Variants in GSE1 observed in about 807,000 individuals in gnomAD.
GSE1 encodes Gse1 coiled-coil protein.
GSE1 carries 32 observed loss-of-function variants against 112.6 expected under a neutral mutation model. That is an observed-to-expected ratio of 0.28 (90% confidence interval 0.21 to 0.38). The LOEUF (loss-of-function observed/expected upper bound fraction) is 0.38. Among genes scored for constraint, GSE1 ranks in the 10% least tolerant of loss-of-function variants. GSE1 has a pLI of 1.00. For synonymous variants in GSE1, 1,115 were observed against 735.6 expected, an observed-to-expected ratio of 1.52 and a Z score of -8.35; for missense variants, 2,348 against 1,699.2, an observed-to-expected ratio of 1.38 and a Z score of -6.71.
chr16:85,483,316 C>A (rs530923983), intron 2 of GSE1, among the ~76,000 whole-genome samples: 12 of 152,242 alleles, frequency 7.9e-5, no homozygotes, highest in Non-Finnish European at 1.6e-4. Flanking sequence ...CATGGGAGAG[C>A]GAGAACAGAA....
At chr16:85,187,437 GAGA>G (rs1459268905) in intron 1 of GSE1, among the ~76,000 whole-genome samples, 2 of 152,246 alleles carry the variant, frequency 1.3e-5, no homozygotes, top group Non-Finnish European at 2.9e-5. Context: ...GGGGAAGAGA[GAGA>G]AGGAGTTAAA....
At position 85,519,650 on chromosome 16, in the gene GSE1, C is replaced by G. The variant is rs552723692; in HGVS notation, c.2465-114264C>G. Among the ~76,000 whole-genome samples, 13 of 149,698 alleles carry G rather than the reference C, an allele frequency of 8.7e-5. No homozygotes were observed. The Admixed American group carries it at 9.0e-4, about 10-fold the overall frequency. On this transcript the variant is annotated intron_variant, in intron 2 of 2. Coordinates refer to the GSE1 transcript ENST00000637419. ...CCATCACCAGTCTCCATCATCATCACCTTCACCACCATCACCACAGTCTCC... is the reference window on the plus strand; with the variant it reads ...CCATCACCAGTCTCCATCATCATCAGCTTCACCACCATCACCACAGTCTCC...
rs368266182 is a variant in GSE1 at position 85,654,314 on chromosome 16, C to T, written c.463C>T (p.Arg155Cys). The change falls in exon 4 of 16, where the codon CGC (arginine) becomes TGC (cysteine). Residue 155 changes from arginine to cysteine, a missense_variant. Coordinates refer to ENST00000253458, the MANE Select transcript of GSE1 (RefSeq NM_014615.5). ...GSRSSSGGRE[R>C]LIVEPPLPQE... ...CAGGAGCAGCAGTGGAGGTCGGGAACGCCTCATTGTGGAGCCCCCGCTCCC... is the reference window on the plus strand; with the variant it reads ...CAGGAGCAGCAGTGGAGGTCGGGAATGCCTCATTGTGGAGCCCCCGCTCCC... 144 of 1,609,050 alleles carry T rather than the reference C, an allele frequency of 8.9e-5. No homozygotes were observed. Among genetic ancestry groups the T allele is most frequent in the Middle Eastern group, 6.8e-4 (4 of 5,908 alleles).
At chr16:85,602,278 C>G (rs1291872467) in intron 1 of GSE1, among the ~76,000 whole-genome samples, 1 of 152,146 alleles carries the variant, frequency 6.6e-6, no homozygotes, top group East Asian at 1.9e-4. Context: ...GCGGGAGCAG[C>G]GTGTGGACTG....
At chr16:85,646,195 CGCTTCCTATGCAT>C (rs1303070668) in intron 2 of GSE1, among the ~76,000 whole-genome samples, 7 of 142,198 alleles carry the variant, frequency 4.9e-5, no homozygotes, top group African/African-American at 1.9e-4. Context: ...GCTTCTACCA[CGCTTCCTATGCAT>C]GCATTCTACC....
At chr16:85,385,388 G>A (rs912240709) in intron 2 of GSE1, among the ~76,000 whole-genome samples, 5 of 152,206 alleles carry the variant, frequency 3.3e-5, no homozygotes, top group Admixed American at 2.0e-4. Context: ...CACTATTGGA[G>A]TCACCATGCA....
chr16:85,639,656 C>T (rs1280425621), intron 2 of GSE1, among the ~76,000 whole-genome samples: 1 of 152,260 alleles, frequency 6.6e-6, no homozygotes, highest in African/African-American at 2.4e-5. Context: ...TCCCCAGCTC[C>T]ACACCCTGAA....
chr16:85,610,817 A>G (rs1304364649), upstream of GSE1, among the ~76,000 whole-genome samples: 3 of 152,166 alleles, frequency 2.0e-5, no homozygotes, highest in Non-Finnish European at 4.4e-5. Flanking sequence ...ATCTTGAGCA[A>G]CTCAGGGCCT....
chr16:85,321,048 C>T (rs1427016152), intron 1 of GSE1, among the ~76,000 whole-genome samples: 1 of 152,156 alleles, frequency 6.6e-6, no homozygotes, highest in Non-Finnish European at 1.5e-5. Context: ...TTATTTAGGT[C>T]GCCTTAGTTT....
In GSE1 at chr16:85,525,480, G is replaced by A. The variant is rs76249100; in HGVS notation, c.2465-108434G>A. 2.8e-3 allele frequency among the ~76,000 whole-genome samples: 427 copies of A among 152,356 alleles called. 2 individuals are homozygous for A. Among genetic ancestry groups the A allele is most frequent in the African/African-American group, 9.8e-3 (409 of 41,590 alleles). On this transcript the variant is annotated intron_variant, in intron 2 of 2. Transcript: ENST00000637419. ...TGGCCCTAGGCTTCCTTGTTTCACAGTTTCCCTCCTACCCTGCTCATGATG... is the reference window on the plus strand; with the variant it reads ...TGGCCCTAGGCTTCCTTGTTTCACAATTTCCCTCCTACCCTGCTCATGATG...
chr16:85,556,365 T>A lies in GSE1; in HGVS notation c.37+2T>A. ...AGCCGCCTCTGTATTACTTACCAGGTAAGCGAGCCGTGCGCCTCCCTGGGT... is the reference window on the plus strand; with the variant it reads ...AGCCGCCTCTGTATTACTTACCAGGAAAGCGAGCCGTGCGCCTCCCTGGGT... On this transcript the variant is annotated splice_donor_variant, in intron 1 of 2. Transcript: ENST00000635906. LOFTEE classifies it high-confidence loss of function. 1 of 984,410 alleles carries A rather than the reference T, an allele frequency of 1.0e-6. No homozygotes were observed. Among genetic ancestry groups the A allele is most frequent in the Non-Finnish European group, 1.2e-6 (1 of 829,326 alleles). The allele number at this position is 984,410 out of a possible 1,614,324, so 61.0% of individuals were successfully genotyped here. A position where few individuals can be genotyped will look rare whatever the true frequency, so the allele number is the denominator to read the frequency against.
At chr16:85,384,221 GC>G (rs1013505081) in intron 2 of GSE1, among the ~76,000 whole-genome samples, 35 of 152,196 alleles carry the variant, frequency 2.3e-4, no homozygotes, top group Non-Finnish European at 2.5e-4. Flanking sequence ...CCTGATGGGG[GC>G]CCCGAGACCC....
intron 1 of GSE1, 119 bp from the exon 2 acceptor site, chr16:85,633,795 C>A: frequency 1.4e-6 from 1 of 691,042 alleles, no homozygotes; most frequent in South Asian, 1.8e-5. Context: ...CCTGCTGGAG[C>A]CCCCGGGGCT....
intron 2 of GSE1, among the ~76,000 whole-genome samples, chr16:85,413,580 C>G (rs1256870251): frequency 6.6e-6 from 1 of 152,150 alleles, no homozygotes; most frequent in East Asian, 1.9e-4. Context: ...TAAGCACACG[C>G]TTCGCAAATG....
intron 2 of GSE1, among the ~76,000 whole-genome samples, chr16:85,372,141 G>A (rs1314258423): frequency 6.6e-6 from 1 of 152,172 alleles, no homozygotes; most frequent in Non-Finnish European, 1.5e-5. Context: ...GCGCGGGACT[G>A]TGGCCCGGAC....
chr16:85,239,078 C>A (rs1284791821), intron 1 of GSE1, among the ~76,000 whole-genome samples: 1 of 152,162 alleles, frequency 6.6e-6, no homozygotes, highest in Non-Finnish European at 1.5e-5. Context: ...TAGGCACCCG[C>A]CACCACGCCC....
At chr16:85,525,866 G>C (rs1008471373) in intron 2 of GSE1, among the ~76,000 whole-genome samples, 2 of 152,184 alleles carry the variant, frequency 1.3e-5, no homozygotes, top group South Asian at 2.1e-4. Context: ...GGGAGCACTG[G>C]CTGCCTTGGG....
chr16:85,254,023 A>G (rs1297678254), intron 1 of GSE1, among the ~76,000 whole-genome samples: 2 of 152,178 alleles, frequency 1.3e-5, no homozygotes, highest in Non-Finnish European at 2.9e-5. Context: ...TAGAGGCCGA[A>G]TTCCCATCTG....
At chr16:85,219,377 A>C (rs950863829) in intron 1 of GSE1, among the ~76,000 whole-genome samples, 4 of 152,214 alleles carry the variant, frequency 2.6e-5, no homozygotes, top group Non-Finnish European at 5.9e-5. Context: ...CTTTGGTTGG[A>C]TCCAGAATAA....
Sources: gnomAD v4.1 joint callset for allele counts (sites outside exome capture counted in the v4.1 genomes callset) on GRCh38, gnomAD v4.1.1 for gene constraint, MANE v1.5 for transcripts, NCBI Gene and HGNC (gene_info 2026-07-23, HGNC 2026-07-21) for gene names.